The following PRPH2 variants were observed in gnomAD, a reference collection of about 807,000 sequenced individuals.
PRPH2 encodes peripherin 2, also known as peripherin-2.
A neutral mutation model predicts 31.3 loss-of-function variants in PRPH2; 17 were observed. The ratio of observed to expected loss-of-function variants is 0.54; its 90% CI spans 0.37 to 0.81. PRPH2 has a LOEUF of 0.81. PRPH2 is among the 40% of genes least tolerant of loss of function. The probability of loss-of-function intolerance (pLI) is 0.00; values close to 1 mark genes in which losing one functional copy is unlikely to be tolerated. For missense variants in PRPH2, 430 were observed against 439.7 expected, an observed-to-expected ratio of 0.98 and a Z score of 0.20; for synonymous variants, 165 against 184.4, an observed-to-expected ratio of 0.89 and a Z score of 0.85.
Position 42,698,143 on chromosome 6 carries a change from C to T in PRPH2, c.*152G>A, listed in dbSNP as rs113384495. 4.1e-4 allele frequency: 423 copies of T among 1,042,138 alleles called. 1 individual carries two copies. Among genetic ancestry groups the T allele is most frequent in the Middle Eastern group, 3.9e-3 (12 of 3,110 alleles). 64.6% of individuals were successfully genotyped at this position (1,042,138 alleles called of 1,614,324 possible). Reference sequence around the variant, plus strand: ...ACTGTGTGTCAAATGCTTTTAGGGACCCTAAACTTAAATTCCACCGTCAGG... The same window carrying T: ...ACTGTGTGTCAAATGCTTTTAGGGATCCTAAACTTAAATTCCACCGTCAGG... On this transcript the variant is annotated 3_prime_UTR_variant, in exon 3 of 3. Coordinates refer to ENST00000230381, the MANE Select transcript of PRPH2 (RefSeq NM_000322.5).
intron 1 of PRPH2, among the ~76,000 whole-genome samples, chr6:42,713,467 G>T (rs377380153): frequency 2.0e-5 from 3 of 152,248 alleles, no homozygotes; most frequent in East Asian, 3.9e-4. Flanking sequence ...CGCAGAGCCC[G>T]GAATGGTGTT....
chr6:42,715,593 C>T (rs1010699948), intron 1 of PRPH2, among the ~76,000 whole-genome samples: 1 of 152,108 alleles, frequency 6.6e-6, no homozygotes, highest in South Asian at 2.1e-4. Context: ...ATCTCTTGAA[C>T]CCAGGAGGTG....
At chr6:42,706,332 G>A (rs950922253) in intron 1 of PRPH2, among the ~76,000 whole-genome samples, 1 of 151,894 alleles carries the variant, frequency 6.6e-6, no homozygotes, top group Non-Finnish European at 1.5e-5. Flanking sequence ...GTGAACCCAG[G>A]GGGCGGAGCT....
At chr6:42,716,323 G>A (rs1761777817) in intron 1 of PRPH2, among the ~76,000 whole-genome samples, 1 of 152,092 alleles carries the variant, frequency 6.6e-6, no homozygotes, top group South Asian at 2.1e-4. Flanking sequence ...TACTCTGGAG[G>A]CTGAGGTGGG....
intron 2 of PRPH2, among the ~76,000 whole-genome samples, chr6:42,699,827 A>G (rs668736): frequency 0.76 from 116,303 of 152,078 alleles, 44,599 homozygotes; most frequent in East Asian, 0.86. Context: ...CATGAGCCCC[A>G]GAGATGGAGG....
intron 1 of PRPH2, among the ~76,000 whole-genome samples, chr6:42,704,998 C>T (rs1800127874): frequency 6.6e-6 from 1 of 152,214 alleles, no homozygotes; most frequent in Admixed American, 6.5e-5. Flanking sequence ...ACAGCTCCCT[C>T]ACCAACCTCA....
At chr6:42,698,948 C>G (rs1799999007) in intron 2 of PRPH2, among the ~76,000 whole-genome samples, 1 of 152,028 alleles carries the variant, frequency 6.6e-6, no homozygotes, top group African/African-American at 2.4e-5. Context: ...GTGCCTTCAC[C>G]TCTACACCCC....
intron 2 of PRPH2, among the ~76,000 whole-genome samples, chr6:42,699,104 G>A (rs1427712271): frequency 6.6e-6 from 1 of 151,182 alleles, no homozygotes; most frequent in Non-Finnish European, 1.5e-5. Context: ...CCATGCTGGA[G>A]TGCAGTGGCG....
chr6:42,702,866 T>C (rs542250075), intron 2 of PRPH2, among the ~76,000 whole-genome samples: 1 of 147,792 alleles, frequency 6.8e-6, no homozygotes, highest in Admixed American at 6.7e-5. Flanking sequence ...CAAGACTTCA[T>C]CTCAAAAAAA....
intron 1 of PRPH2, among the ~76,000 whole-genome samples, chr6:42,716,195 T>C (rs1268758611): frequency 1.3e-5 from 2 of 151,830 alleles, no homozygotes; most frequent in African/African-American, 2.4e-5. Flanking sequence ...TCAGGTCAAG[T>C]AGGAGAAAGA....
chr6:42,711,756 A>G, intron 1 of PRPH2: 4 of 985,332 alleles, frequency 4.1e-6, no homozygotes, highest in Non-Finnish European at 4.8e-6. Context: ...GCAAGCAGGT[A>G]CCTGTAGTCT....
intron 1 of PRPH2, among the ~76,000 whole-genome samples, chr6:42,708,782 G>A (rs889058873): frequency 2.6e-5 from 4 of 152,234 alleles, no homozygotes; most frequent in African/African-American, 9.6e-5. Flanking sequence ...GTATTTGGGA[G>A]CCATGGAGCT....
At chr6:42,711,696 A>G (rs1323845099) in intron 1 of PRPH2, 1 of 926,364 alleles carries the variant, frequency 1.1e-6, no homozygotes, top group Non-Finnish European at 1.3e-6. Flanking sequence ...AACCCCATAG[A>G]GTCAAGTTCT....
intron 2 of PRPH2, among the ~76,000 whole-genome samples, chr6:42,703,677 G>T (rs1464190541): frequency 6.6e-6 from 1 of 152,200 alleles, no homozygotes; most frequent in Non-Finnish European, 1.5e-5. Flanking sequence ...GGTGGTGACT[G>T]CTTCATGGGT....
chr6:42,709,786 A>G (rs1375960251), intron 1 of PRPH2, among the ~76,000 whole-genome samples: 1 of 152,124 alleles, frequency 6.6e-6, no homozygotes, highest in African/African-American at 2.4e-5. Flanking sequence ...CTTTCCAGCC[A>G]GGTGTTTCCA....
chr6:42,698,597 T>C, intron 2 of PRPH2, 90 bp from the exon 3 acceptor site: 1 of 1,558,580 alleles, frequency 6.4e-7, no homozygotes, highest in Non-Finnish European at 8.7e-7. Context: ...AAATTGAGGG[T>C]CCCAGAGAGG....
chr6:42,716,622 T>TTG (rs1761787928), intron 1 of PRPH2, among the ~76,000 whole-genome samples: 1 of 145,484 alleles, frequency 6.9e-6, no homozygotes, highest in African/African-American at 2.5e-5. Context: ...GTTTTTTTTT[T>TTG]TTTTTTTTTT....
intron 2 of PRPH2, among the ~76,000 whole-genome samples, chr6:42,699,884 A>T (rs1476808243): frequency 6.6e-6 from 1 of 151,772 alleles, no homozygotes; most frequent in East Asian, 1.9e-4. Context: ...AAACACCACC[A>T]CTGTACCTAG....
intron 1 of PRPH2, among the ~76,000 whole-genome samples, chr6:42,708,910 C>A (rs1426874283): frequency 6.6e-6 from 1 of 152,146 alleles, no homozygotes. Context: ...ATGCTGGAGG[C>A]CTCAGAAAAT....
Sources: gnomAD v4.1 joint callset for allele counts (sites outside exome capture counted in the v4.1 genomes callset) on GRCh38, gnomAD v4.1.1 for gene constraint, MANE v1.5 for transcripts, NCBI Gene and HGNC (gene_info 2026-07-23, HGNC 2026-07-21) for gene names.